Variants in MCTP1 observed in about 807,000 individuals in gnomAD.
The protein encoded by MCTP1 is multiple C2 and transmembrane domain-containing protein 1.
A neutral mutation model predicts 120.6 loss-of-function variants in MCTP1; 69 were observed. That is an observed-to-expected ratio of 0.57 (90% CI 0.47 to 0.70). The LOEUF (loss-of-function observed/expected upper bound fraction) is 0.70, where lower values mean the gene tolerates loss of function less well. MCTP1 is among the 30% of genes least tolerant of loss of function. The pLI is 0.00. For missense variants in MCTP1, 1,203 were observed against 1,248.8 expected, an observed-to-expected ratio of 0.96 and a Z score of 0.55; for synonymous variants, 529 against 493.1, an observed-to-expected ratio of 1.07 and a Z score of -0.96.
At chr5:95,055,872 G>T (rs962153183) in intron 1 of MCTP1, among the ~76,000 whole-genome samples, 1 of 152,026 alleles carries the variant, frequency 6.6e-6, no homozygotes, top group Non-Finnish European at 1.5e-5. Context: ...ACAATACCTG[G>T]CTTATAAGCA....
intron 1 of MCTP1, among the ~76,000 whole-genome samples, chr5:95,270,271 G>C (rs1274301584): frequency 1.3e-5 from 2 of 152,288 alleles, no homozygotes; most frequent in African/African-American, 4.8e-5. Flanking sequence ...AGACTCTGGT[G>C]ACATAGACCT....
intron 18 of MCTP1, among the ~76,000 whole-genome samples, chr5:94,796,641 A>AATATATATT (rs143568918): frequency 7.2e-6 from 1 of 138,082 alleles, no homozygotes; most frequent in East Asian, 2.0e-4. Flanking sequence ...TTATATATGT[A>AATATATATT]ATATATATTA....
chr5:95,107,618 T>G (rs1467901165), intron 1 of MCTP1, among the ~76,000 whole-genome samples: 1 of 152,198 alleles, frequency 6.6e-6, no homozygotes, highest in East Asian at 1.9e-4. Flanking sequence ...CCTCCACTTT[T>G]CTGAGTCTCT....
At chr5:94,924,239 G>C (rs868326452) in intron 6 of MCTP1, among the ~76,000 whole-genome samples, 2 of 151,996 alleles carry the variant, frequency 1.3e-5, no homozygotes, top group Admixed American at 1.3e-4. Context: ...AATTTTTTAA[G>C]AGTCCACTTA....
intron 17 of MCTP1, among the ~76,000 whole-genome samples, chr5:94,830,189 C>T (rs2153154491): frequency 6.6e-6 from 1 of 152,256 alleles, no homozygotes; most frequent in South Asian, 2.1e-4. Flanking sequence ...ATTTTTCTGG[C>T]CACAGACCAG....
chr5:94,840,106 G>A (rs718184), intron 17 of MCTP1, among the ~76,000 whole-genome samples: 21,835 of 151,934 alleles, frequency 0.14, 2,701 homozygotes, highest in African/African-American at 0.33. Context: ...TGGAATCACC[G>A]TCAATGAATC....
intron 16 of MCTP1, 144 bp downstream of exon 16, chr5:94,870,269 TGAAA>T (rs1797584672): frequency 5.1e-6 from 3 of 584,490 alleles, no homozygotes; most frequent in Non-Finnish European, 9.1e-6. Context: ...TCAGAAAGAA[TGAAA>T]GAAAGCGCCA....
chr5:95,143,254 C>G (rs1466207597), intron 1 of MCTP1, among the ~76,000 whole-genome samples: 1 of 152,086 alleles, frequency 6.6e-6, no homozygotes, highest in Non-Finnish European at 1.5e-5. Context: ...CCAATAGGCT[C>G]ATAGGTTTTA....
rs114078668 is a variant in MCTP1, at chr5:95,176,157, A to C, written c.720+107699T>G. On this transcript the variant is annotated intron_variant, in intron 1 of 22. Transcript: ENST00000515393. Reference sequence around the variant, plus strand: ...AAAACTATCTTTGTTATTCTAATTGATAAAATGTATTTTTTTTTAACAAAT... The same window carrying C: ...AAAACTATCTTTGTTATTCTAATTGCTAAAATGTATTTTTTTTTAACAAAT... Among the ~76,000 whole-genome samples, 726 of 152,336 alleles carry C rather than the reference A, an allele frequency of 4.8e-3. 9 individuals carry two copies. Among genetic ancestry groups the C allele is most frequent in the African/African-American group, 0.016 (684 of 41,564 alleles).
Position 94,707,431 on chromosome 5 carries a change from G to A in MCTP1, c.*65C>T, listed in dbSNP as rs1754921580. 4.9e-6 allele frequency: 6 copies of A among 1,215,098 alleles called. No individual in the cohort carries two copies. Among genetic ancestry groups the A allele is most frequent in the Non-Finnish European group, 7.1e-6 (6 of 839,562 alleles). 75.3% of individuals were successfully genotyped at this position (1,215,098 alleles called of 1,614,324 possible). On this transcript the variant is annotated 3_prime_UTR_variant, in exon 23 of 23. Transcript: ENST00000515393. Reference sequence around the variant, plus strand: ...AAGCAGAAAGAAAGGAAATGCTGCTGAGGCTGAGGGCTTTTTCTTTTATCT... The same window carrying A: ...AAGCAGAAAGAAAGGAAATGCTGCTAAGGCTGAGGGCTTTTTCTTTTATCT...
intron 1 of MCTP1, among the ~76,000 whole-genome samples, chr5:95,235,806 T>C (rs979761269): frequency 6.6e-6 from 1 of 152,330 alleles, no homozygotes; most frequent in South Asian, 2.1e-4. Flanking sequence ...AAAATGCTAC[T>C]AGGTCAGTGC....
chr5:94,859,111 A>G (rs1253231578), intron 17 of MCTP1, among the ~76,000 whole-genome samples: 1 of 151,600 alleles, frequency 6.6e-6, no homozygotes, highest in African/African-American at 2.4e-5. Context: ...AAGATTTAAG[A>G]CAGAAATAAA....
intron 18 of MCTP1, among the ~76,000 whole-genome samples, chr5:94,795,088 A>G (rs1280516580): frequency 1.3e-5 from 2 of 152,220 alleles, no homozygotes; most frequent in Non-Finnish European, 2.9e-5. Flanking sequence ...TATGTGCAGT[A>G]GAAATGATAC....
intron 1 of MCTP1, chr5:95,037,993 T>C: frequency 3.6e-6 from 1 of 275,868 alleles, no homozygotes; most frequent in African/African-American, 2.3e-5. Context: ...GCTTTGATTC[T>C]ACAAATACCA....
intron 5 of MCTP1, among the ~76,000 whole-genome samples, chr5:94,936,015 A>C (rs1232451278): frequency 1.3e-5 from 2 of 152,094 alleles, no homozygotes; most frequent in East Asian, 3.9e-4. Flanking sequence ...CAGAGAATTT[A>C]TTAAGCTGAT....
In MCTP1 at chr5:94,703,994, AAAG is replaced by A. The variant is rs1753994474; in HGVS notation, c.*3499_*3501del. On this transcript the variant is annotated 3_prime_UTR_variant, in exon 23 of 23. Transcript: ENST00000515393. ...GAGGGTAACATTTTCACCAAAAAAA[AAAG>A]AAAAAAAAATGTTTTGTTTTCTTTC... is the stretch of plus-strand genomic sequence containing the variant. 8.5e-6 allele frequency: 1 copy of A among 117,998 alleles called. No individual in the cohort carries two copies. Among genetic ancestry groups the A allele is most frequent in the African/African-American group, 3.2e-5 (1 of 30,994 alleles). 7.3% of individuals were successfully genotyped at this position (117,998 alleles called of 1,614,324 possible).
intron 1 of MCTP1, among the ~76,000 whole-genome samples, chr5:95,231,056 A>G (rs1271382608): frequency 2.0e-5 from 3 of 152,218 alleles, no homozygotes; most frequent in African/African-American, 7.2e-5. Context: ...AGCAAGGGAC[A>G]ATATTGTTTT....
At chr5:94,772,359 T>C (rs1190275140) in intron 19 of MCTP1, among the ~76,000 whole-genome samples, 2 of 152,286 alleles carry the variant, frequency 1.3e-5, no homozygotes, top group Middle Eastern at 6.8e-3. Flanking sequence ...TCTCAGAAGC[T>C]CTTCCTTCTT....
intron 1 of MCTP1, among the ~76,000 whole-genome samples, chr5:95,142,409 T>C (rs929727788): frequency 6.6e-6 from 1 of 152,236 alleles, no homozygotes; most frequent in African/African-American, 2.4e-5. Flanking sequence ...ACATGAGATT[T>C]CTATATAAGG....
Sources: allele counts gnomAD v4.1 joint callset (sites outside exome capture counted in the v4.1 genomes callset), GRCh38; gene constraint gnomAD v4.1.1; transcripts MANE v1.5; gene names NCBI Gene and HGNC (gene_info 2026-07-23, HGNC 2026-07-21).